ENTPD6: variants seen among roughly 807,000 people sequenced by gnomAD.
ENTPD6 encodes ectonucleoside triphosphate diphosphohydrolase 6.
ENTPD6 carries 46 observed loss-of-function variants against 61.5 expected under a neutral mutation model. The ratio of observed to expected loss-of-function variants is 0.75; its 90% CI spans 0.59 to 0.96. ENTPD6 has a LOEUF of 0.96. ENTPD6 is among the 40% of genes least tolerant of loss of function. The probability of loss-of-function intolerance (pLI) is 0.00; values close to 1 mark genes in which losing one functional copy is unlikely to be tolerated. For synonymous variants in ENTPD6, 252 were observed against 255.5 expected (o/e 0.99, Z 0.13); for missense variants, 612 against 629.0 (o/e 0.97, Z 0.29).
At position 25,213,417 on chromosome 20, in the gene ENTPD6, C is replaced by T; in HGVS notation, c.597+11C>T. The T allele has an allele frequency of 3.1e-6, 5 of 1,595,212 alleles. No homozygotes were observed. The highest frequency in any genetic ancestry group is 4.3e-6 in the Non-Finnish European group (5 of 1,170,254). On this transcript the variant is annotated intron_variant, in intron 5 of 14. Transcript: ENST00000376652. ...AAGTTACTGCAGAAGGTGAGCCTGG[C>T]CATTCCCCAGTGCCATTAGCCAGCC...
chr20:25,199,557 T>A (rs1568598460), intron 1 of ENTPD6, among the ~76,000 whole-genome samples: 1 of 152,204 alleles, frequency 6.6e-6, no homozygotes, highest in Non-Finnish European at 1.5e-5. Context: ...TTCTGTGGCA[T>A]TAAGTACATT....
chr20:25,211,232 C>G (rs1418435835), intron 4 of ENTPD6, among the ~76,000 whole-genome samples: 1 of 152,172 alleles, frequency 6.6e-6, no homozygotes, highest in African/African-American at 2.4e-5. Flanking sequence ...GTAGTTCAAG[C>G]CTTGCTTTCC....
chr20:25,224,152 A>C lies in ENTPD6; in HGVS notation c.1238A>C (p.Lys413Thr). The change falls in exon 13 of 15, where the codon AAG becomes ACG. Residue 413 changes from lysine to threonine, a missense_variant. By Grantham distance (78) the Lys-to-Thr change is moderately conservative. Coordinates refer to ENST00000376652, the MANE Select transcript of ENTPD6 (RefSeq NM_001247.5). ...LVVGDFEIAA[K>T]YVCRTLETQP... Reference sequence around the variant, plus strand: ...GTGGGGGACTTCGAGATCGCAGCCAAGTACGGTGAGTGATGCTGCAGGGGC... The same window carrying C: ...GTGGGGGACTTCGAGATCGCAGCCACGTACGGTGAGTGATGCTGCAGGGGC... The C allele has an allele frequency of 6.2e-7, 1 of 1,611,918 alleles. No individual in the cohort carries two copies. Among genetic ancestry groups the C allele is most frequent in the African/African-American group, 1.3e-5 (1 of 75,008 alleles).
chr20:25,196,953 G>A (rs1055364998), intron 1 of ENTPD6, among the ~76,000 whole-genome samples: 9 of 152,076 alleles, frequency 5.9e-5, no homozygotes, highest in Admixed American at 2.6e-4. Context: ...ATCTGGAAGC[G>A]CCTCCCCTCC....
At chr20:25,211,041 T>TACAA (rs2091928131) in intron 4 of ENTPD6, among the ~76,000 whole-genome samples, 1 of 152,262 alleles carries the variant, frequency 6.6e-6, no homozygotes, top group African/African-American at 2.4e-5. Flanking sequence ...GTAGCATTGC[T>TACAA]ACTTCTATCT....
chr20:25,225,307 A>G lies in ENTPD6; in HGVS notation c.1346A>G (p.Lys449Arg). Residue 449 changes from lysine (K) to arginine (R), a missense_variant, in exon 14 of 15, where the codon AAA becomes AGA. Transcript: ENST00000376652. ...LLQEFGFPRS[K>R]VLKLTRKIDN... ...CAGGAGTTCGGCTTTCCCAGGAGCAAAGTGCTGAAGGTAAGGGTGCCCTCA... is the reference window on the plus strand; with the variant it reads ...CAGGAGTTCGGCTTTCCCAGGAGCAGAGTGCTGAAGGTAAGGGTGCCCTCA... 2 of 1,613,024 alleles carry G rather than the reference A, an allele frequency of 1.2e-6. No individual in the cohort carries two copies. The highest frequency in any genetic ancestry group is 1.7e-6 in the Non-Finnish European group (2 of 1,179,914).
At chr20:25,207,848 C>T (rs550617952) in intron 3 of ENTPD6, among the ~76,000 whole-genome samples, 6 of 152,330 alleles carry the variant, frequency 3.9e-5, no homozygotes, top group East Asian at 1.9e-4. Flanking sequence ...GGGCAACAGC[C>T]GAGAGGGGTC....
At chr20:25,202,281 A>T (rs112803021) in intron 1 of ENTPD6, among the ~76,000 whole-genome samples, 4,403 of 152,250 alleles carry the variant, frequency 0.029, 192 homozygotes, top group African/African-American at 0.097. Context: ...AGACCTGTGC[A>T]GTTCAAACCC....
At chr20:25,212,275 C>T (rs973517005) in intron 4 of ENTPD6, among the ~76,000 whole-genome samples, 3 of 152,176 alleles carry the variant, frequency 2.0e-5, no homozygotes, top group East Asian at 1.9e-4. Flanking sequence ...AGTGGCTCCT[C>T]GTTGTAGTTA....
At chr20:25,217,405 A>T (rs2092374448) in intron 8 of ENTPD6, 97 bp from the exon 9 acceptor site, 1 of 1,169,312 alleles carries the variant, frequency 8.6e-7, no homozygotes, top group Admixed American at 1.7e-5. Context: ...AATTGGCTGC[A>T]CCTGACCATC....
intron 11 of ENTPD6, 58 bp downstream of exon 11, chr20:25,221,391 C>T: frequency 7.6e-7 from 1 of 1,315,552 alleles, no homozygotes; most frequent in Non-Finnish European, 1.1e-6. Context: ...GCCTCCTCTC[C>T]CCCTTGCCTT....
intron 13 of ENTPD6, 121 bp downstream of exon 13, chr20:25,224,278 C>A (rs1180204840): frequency 2.5e-6 from 2 of 797,544 alleles, no homozygotes; most frequent in South Asian, 2.1e-5. Flanking sequence ...CAGGCAGGGG[C>A]CTCGGCCCCA....
intron 5 of ENTPD6, among the ~76,000 whole-genome samples, 179 bp downstream of exon 5, chr20:25,213,585 G>A (rs1024585147): frequency 2.0e-5 from 3 of 152,230 alleles, no homozygotes; most frequent in Non-Finnish European, 4.4e-5. Context: ...TGTTCCTTGT[G>A]ACATTTAAGG....
intron 13 of ENTPD6, 154 bp downstream of exon 13, chr20:25,224,311 TG>T (rs138902755): frequency 0.039 from 22,061 of 563,678 alleles, 552 homozygotes; most frequent in Non-Finnish European, 0.05. Context: ...CCACCGTCCT[TG>T]TCCCACCCTC....
chr20:25,195,933 C>T (rs796593488), intron 1 of ENTPD6, 66 bp downstream of exon 1: 4 of 1,167,512 alleles, frequency 3.4e-6, no homozygotes, highest in East Asian at 3.2e-5. Flanking sequence ...GGGCCTCCCC[C>T]ACGCGGGCGC....
intron 1 of ENTPD6, among the ~76,000 whole-genome samples, chr20:25,204,314 G>A (rs1404963470): frequency 1.3e-5 from 2 of 152,034 alleles, no homozygotes; most frequent in African/African-American, 4.8e-5. Flanking sequence ...GGTTTAAGTT[G>A]GTGCTTTGAA....
At chr20:25,221,105 T>G (rs953334317) in intron 10 of ENTPD6, 127 bp from the exon 11 acceptor site, 1 of 669,584 alleles carries the variant, frequency 1.5e-6, no homozygotes, top group Non-Finnish European at 2.6e-6. Context: ...GCCTTCCCAG[T>G]GGACCTGGAA....
intron 4 of ENTPD6, among the ~76,000 whole-genome samples, chr20:25,211,809 T>G (rs1239657004): frequency 6.6e-6 from 1 of 151,908 alleles, no homozygotes; most frequent in Non-Finnish European, 1.5e-5. Flanking sequence ...TCAGATGAAG[T>G]CTCTATTTTT....
At chr20:25,206,041 G>T (rs759549073) in intron 1 of ENTPD6, among the ~76,000 whole-genome samples, 2 of 152,220 alleles carry the variant, frequency 1.3e-5, no homozygotes, top group African/African-American at 2.4e-5. Flanking sequence ...TGTAAAGCCC[G>T]CATGTGGCAC....
Sources: allele counts gnomAD v4.1 joint callset (sites outside exome capture counted in the v4.1 genomes callset), GRCh38; gene constraint gnomAD v4.1.1; transcripts MANE v1.5; gene names NCBI Gene and HGNC (gene_info 2026-07-23, HGNC 2026-07-21).